The following HDAC8 variants were observed in gnomAD, a reference collection of about 807,000 sequenced individuals.
HDAC8 encodes histone deacetylase 8.
HDAC8 carries 1 observed loss-of-function variant against 32.2 expected under a neutral mutation model. The ratio of observed to expected loss-of-function variants is 0.03; its 90% confidence interval spans 0.01 to 0.15. The LOEUF is 0.15. HDAC8 is among the 10% of genes least tolerant of loss of function. The probability of loss-of-function intolerance (pLI) is 1.00; values close to 1 mark genes in which losing one functional copy is unlikely to be tolerated. For synonymous variants in HDAC8, 108 were observed against 113.9 expected, an observed-to-expected ratio of 0.95 and a Z score of 0.33; for missense variants, 117 against 300.0, an observed-to-expected ratio of 0.39 and a Z score of 4.51.
At chrX:72,419,467 G>A (rs1234623449) in intron 9 of HDAC8, among the ~76,000 whole-genome samples, 3 of 111,578 alleles carry the variant, frequency 2.7e-5, no homozygotes, top group Non-Finnish European at 5.7e-5. Context: ...CAATGCTGCT[G>A]GTTACAGTGT....
At position 72,456,545 on chromosome X, in the gene HDAC8, T is replaced by C. The variant is rs782691945; in HGVS notation, c.1005+5459A>G. ...TGGGCATGGTGGCTCACACCTGTAA[T>C]CCCAGCACTTTGGGAGGCCAAGGCA... On this transcript the variant is annotated intron_variant, in intron 9 of 10. Coordinates refer to ENST00000373573, the MANE Select transcript of HDAC8 (RefSeq NM_018486.3). 6.3e-4 allele frequency among the ~76,000 whole-genome samples: 71 copies of C among 111,854 alleles called. 1 individual carries two copies. The highest frequency in any genetic ancestry group is 2.1e-3 in the African/African-American group (65 of 30,845).
At chrX:72,460,024 G>A (rs974566900) in intron 9 of HDAC8, among the ~76,000 whole-genome samples, 4 of 112,064 alleles carry the variant, frequency 3.6e-5, no homozygotes, top group Non-Finnish European at 3.8e-5. Context: ...TAAACCAGAA[G>A]GATATGACAG....
At chrX:72,335,378 C>A (rs2043652067) in intron 10 of HDAC8, among the ~76,000 whole-genome samples, 1 of 112,163 alleles carries the variant, frequency 8.9e-6, no homozygotes, top group Admixed American at 9.5e-5. Flanking sequence ...AGCCCGGCAA[C>A]CATCATCTTT....
chrX:72,379,435 T>C (rs1214118852), intron 9 of HDAC8, among the ~76,000 whole-genome samples: 1 of 109,571 alleles, frequency 9.1e-6, no homozygotes, highest in Non-Finnish European at 1.9e-5. Flanking sequence ...GGAAAACAAA[T>C]TCTCCCTCTC....
intron 4 of HDAC8, among the ~76,000 whole-genome samples, chrX:72,506,507 G>A (rs1556019089): frequency 9.0e-6 from 1 of 111,560 alleles, no homozygotes; most frequent in Non-Finnish European, 1.9e-5. Context: ...CAGTCATGTG[G>A]GAACAAATCC....
chrX:72,500,738 A>G (rs1556015655), intron 4 of HDAC8, among the ~76,000 whole-genome samples: 2 of 111,826 alleles, frequency 1.8e-5, no homozygotes, highest in Non-Finnish European at 3.8e-5. Flanking sequence ...CTCTCTCACA[A>G]CTCCTATTCA....
chrX:72,464,026 A>G (rs1772597624), intron 8 of HDAC8, among the ~76,000 whole-genome samples: 1 of 111,838 alleles, frequency 8.9e-6, no homozygotes, highest in Non-Finnish European at 1.9e-5. Flanking sequence ...ATCAGCACAC[A>G]CCAAAGGCAA....
At chrX:72,435,022 T>A (rs2147959321) in intron 9 of HDAC8, among the ~76,000 whole-genome samples, 1 of 112,654 alleles carries the variant, frequency 8.9e-6, no homozygotes, top group South Asian at 3.6e-4. Flanking sequence ...TTTTAAGATG[T>A]CATATACACA....
intron 10 of HDAC8, among the ~76,000 whole-genome samples, chrX:72,348,009 C>T (rs1338448812): frequency 8.9e-6 from 1 of 111,936 alleles, no homozygotes; most frequent in Admixed American, 9.5e-5. Flanking sequence ...TCTAAATTTG[C>T]CTGTCCCTTC....
intron 9 of HDAC8, among the ~76,000 whole-genome samples, chrX:72,397,452 A>G (rs782506692): frequency 1.8e-5 from 2 of 112,104 alleles, no homozygotes; most frequent in Non-Finnish European, 3.8e-5. Flanking sequence ...TCATATTTGT[A>G]TGTAATTTCT....
chrX:72,468,347 TA>T (rs782444481), intron 7 of HDAC8, among the ~76,000 whole-genome samples: 2 of 110,967 alleles, frequency 1.8e-5, no homozygotes, highest in East Asian at 5.6e-4. Context: ...GGAAGCAAGG[TA>T]AGGTAAATTT....
intron 9 of HDAC8, among the ~76,000 whole-genome samples, chrX:72,383,378 A>G (rs2045319027): frequency 8.9e-6 from 1 of 112,421 alleles, no homozygotes; most frequent in African/African-American, 3.2e-5. Flanking sequence ...TACCTGAGGT[A>G]TAAACTATAT....
intron 4 of HDAC8, among the ~76,000 whole-genome samples, chrX:72,520,985 C>T (rs1665367311): frequency 8.9e-6 from 1 of 112,326 alleles, no homozygotes; most frequent in African/African-American, 3.2e-5. Flanking sequence ...GTCAGCTTGT[C>T]CTGCTACTGA....
At chrX:72,462,859 C>T (rs1555992278) in intron 8 of HDAC8, among the ~76,000 whole-genome samples, 1 of 111,923 alleles carries the variant, frequency 8.9e-6, no homozygotes, top group East Asian at 2.8e-4. Context: ...TTCCTAATCT[C>T]AACGCAGCCT....
chrX:72,383,912 G>C (rs2045347598), intron 9 of HDAC8, among the ~76,000 whole-genome samples: 1 of 103,502 alleles, frequency 9.7e-6, no homozygotes, highest in South Asian at 4.5e-4. Context: ...TTTCCCCTTT[G>C]TCTCAGTGTA....
Position 72,329,624 on chromosome X carries a change from G to A in HDAC8, c.*430C>T. 8.6e-7 allele frequency: 1 copy of A among 1,161,910 alleles called. No individual in the cohort carries two copies. The highest frequency in any genetic ancestry group is 1.2e-6 in the Non-Finnish European group (1 of 867,623). ...TGCTGATCAGTACCCTCTCTCCCAGGGCTCCACCTGGATGGTCCTGAGGCC... is the reference window on the plus strand; with the variant it reads ...TGCTGATCAGTACCCTCTCTCCCAGAGCTCCACCTGGATGGTCCTGAGGCC... On this transcript the variant is annotated 3_prime_UTR_variant, in exon 11 of 11. Coordinates refer to ENST00000373573, the MANE Select transcript of HDAC8 (RefSeq NM_018486.3).
At chrX:72,465,481 T>C (rs1555993846) in intron 7 of HDAC8, among the ~76,000 whole-genome samples, 1 of 110,748 alleles carries the variant, frequency 9.0e-6, no homozygotes, top group African/African-American at 3.3e-5. Flanking sequence ...ATGTGACAGA[T>C]GACCTTAGTC....
At chrX:72,542,197 G>A (rs1205622183) in intron 4 of HDAC8, among the ~76,000 whole-genome samples, 1 of 112,218 alleles carries the variant, frequency 8.9e-6, no homozygotes, top group Admixed American at 9.5e-5. Context: ...TTTGGTCACT[G>A]AGCATAACAG....
intron 9 of HDAC8, among the ~76,000 whole-genome samples, chrX:72,375,395 G>A (rs2045032479): frequency 8.9e-6 from 1 of 111,931 alleles, no homozygotes; most frequent in Non-Finnish European, 1.9e-5. Flanking sequence ...GGAGTCCAAG[G>A]ACAGCTGGTT....
Sources: gnomAD v4.1 joint callset for allele counts (sites outside exome capture counted in the v4.1 genomes callset) on GRCh38, gnomAD v4.1.1 for gene constraint, MANE v1.5 for transcripts, NCBI Gene and HGNC (gene_info 2026-07-23, HGNC 2026-07-21) for gene names.